ZDHHC19: variants seen among roughly 807,000 people sequenced by gnomAD.
ZDHHC19 encodes the protein zDHHC palmitoyltransferase 19.
Under a neutral mutation model 33.9 loss-of-function variants are expected in ZDHHC19, and 30 were observed. The observed-to-expected ratio is 0.88, with a 90% CI of 0.66 to 1.20. The LOEUF (loss-of-function observed/expected upper bound fraction) is 1.20. Among genes scored for constraint, ZDHHC19 ranks in the 50% most tolerant of loss-of-function variants. ZDHHC19 has a pLI of 0.00. For synonymous variants in ZDHHC19, 178 were observed against 167.6 expected, an observed-to-expected ratio of 1.06 and a Z score of -0.48; for missense variants, 364 against 401.1, an observed-to-expected ratio of 0.91 and a Z score of 0.79.
intron 5 of ZDHHC19, 131 bp downstream of exon 5, chr3:196,207,267 T>C (rs950394985): frequency 1.4e-6 from 1 of 712,096 alleles, no homozygotes; most frequent in Admixed American, 2.7e-5. Flanking sequence ...TCTTAAGAGC[T>C]GGGTCTGGAG....
intron 3 of ZDHHC19, 179 bp downstream of exon 3, chr3:196,209,197 G>T: frequency 1.2e-6 from 1 of 857,028 alleles, no homozygotes; most frequent in Non-Finnish European, 1.8e-6. Context: ...CAGCCTCCCA[G>T]GACAGGTGCA....
intron 5 of ZDHHC19, among the ~76,000 whole-genome samples, chr3:196,200,358 A>AT (rs1469302901): frequency 4.3e-4 from 30 of 69,548 alleles, no homozygotes; most frequent in East Asian, 2.2e-3. Context: ...ATATATATAT[A>AT]ATTTTTTTTT....
rs947639526 is a variant in ZDHHC19 at position 196,209,584 on chromosome 3, G to C, written c.269-69C>G. On this transcript the variant is annotated intron_variant, in intron 2 of 7. Coordinates refer to ENST00000296326, the MANE Select transcript of ZDHHC19 (RefSeq NM_001039617.2). ...CACCCCGCGGCGGGGGCAGCTCCAC[G>C]GCATCACAGGGCACAAGGAAGGGTG... 1.9e-6 allele frequency: 3 copies of C among 1,545,950 alleles called. No individual in the cohort carries two copies. In the East Asian group the frequency reaches 6.9e-5, roughly 36 times the overall value.
intron 5 of ZDHHC19, among the ~76,000 whole-genome samples, chr3:196,200,340 A>ATATATATATG (rs1722170710): frequency 2.4e-5 from 2 of 83,306 alleles, no homozygotes; most frequent in South Asian, 7.6e-4. Context: ...ATATATATAT[A>ATATATATATG]TATGTATATA....
chr3:196,198,092 G>GT (rs1358723474), intron 7 of ZDHHC19, among the ~76,000 whole-genome samples, 184 bp downstream of exon 7: 3 of 152,124 alleles, frequency 2.0e-5, no homozygotes, highest in Non-Finnish European at 2.9e-5. Flanking sequence ...ACTCCTGGGT[G>GT]TATTCTAGAG....
At position 196,198,532 on chromosome 3, in the gene ZDHHC19, C is replaced by T. The variant is rs771474517; in HGVS notation, c.774-81G>A. ...TGCCCGCCTCAGCTTGGGAAGCACA[C>T]GGCCCAGGGCTTAGCTCTGCAGGAA... On this transcript the variant is annotated intron_variant, in intron 6 of 7. Coordinates refer to ENST00000296326, the MANE Select transcript of ZDHHC19 (RefSeq NM_001039617.2). The T allele has an allele frequency of 1.1e-5, 17 of 1,575,012 alleles. 1 individual carries two copies. In the Admixed American group the frequency reaches 1.9e-4, roughly 17 times the overall value.
chr3:196,210,883 G>A (rs1723248464), intron 1 of ZDHHC19, 146 bp from the exon 2 acceptor site: 3 of 1,325,622 alleles, frequency 2.3e-6, no homozygotes, highest in Admixed American at 5.5e-5. Context: ...ACTCATAATG[G>A]CTCCACCAAA....
At chr3:196,198,146 T>TC (rs201863640) in intron 7 of ZDHHC19, 130 bp downstream of exon 7, 50,608 of 901,504 alleles carry the variant, frequency 0.056, 1,809 homozygotes, top group Middle Eastern at 0.11. Context: ...AGAACCCTCC[T>TC]CCCCCCAAGC....
At chr3:196,198,204 C>G in intron 7 of ZDHHC19, 72 bp downstream of exon 7, 1 of 1,359,992 alleles carries the variant, frequency 7.4e-7, no homozygotes, top group Non-Finnish European at 9.5e-7. Flanking sequence ...GGGCCTCCCC[C>G]CACACCCTCA....
intron 5 of ZDHHC19, among the ~76,000 whole-genome samples, chr3:196,202,655 G>C (rs559850376): frequency 6.6e-6 from 1 of 152,322 alleles, no homozygotes; most frequent in Non-Finnish European, 1.5e-5. Context: ...TGAGGGGCGG[G>C]GACAGGCCGC....
Position 196,207,489 on chromosome 3 carries a change from AC to A in ZDHHC19, c.595del (p.Val199CysfsTer15). ...CGGCACCAGGAGGCCCGCGGCGGAC[AC>A]GGCCACCACGATGCTGCGCGGGTTA... ...TDKAIAIVVA[V>X]SAAGLLVPLS... is the part of the protein sequence containing the mutation. On this transcript the variant is annotated frameshift_variant, in exon 5 of 8. Transcript: ENST00000296326. LOFTEE classifies it high-confidence loss of function. 1 of 1,562,168 alleles carries A rather than the reference AC, an allele frequency of 6.4e-7. No individual in the cohort carries two copies. The highest frequency in any genetic ancestry group is 2.4e-5 in the East Asian group (1 of 41,808).
chr3:196,208,438 G>A lies in ZDHHC19; in HGVS notation c.531C>T (p.Ile177=). ...YSGAMLVTCL[I]FLVRTTHLPF... is the part of the protein sequence containing the mutation. ...GCAGGTGGGTTGTGCGCACCAGGAA[G>A]ATGAGACAGGTGACCAGCATGGCGC... The change falls in exon 4 of 8, where the codon ATC becomes ATT. Residue 177 remains isoleucine, a synonymous_variant. Coordinates refer to ENST00000296326, the MANE Select transcript of ZDHHC19 (RefSeq NM_001039617.2). 1 of 1,614,192 alleles carries A rather than the reference G, an allele frequency of 6.2e-7. No individual in the cohort carries two copies. Among genetic ancestry groups the A allele is most frequent in the East Asian group, 2.2e-5 (1 of 44,888 alleles).
chr3:196,208,809 CCTT>C, intron 3 of ZDHHC19: 1 of 510,626 alleles, frequency 2.0e-6, no homozygotes. Flanking sequence ...ACTGGCCTGG[CCTT>C]CTGTGAGACA....
intron 2 of ZDHHC19, among the ~76,000 whole-genome samples, chr3:196,210,245 G>GA (rs1312277728): frequency 8.2e-6 from 1 of 121,530 alleles, no homozygotes; most frequent in African/African-American, 3.3e-5. Flanking sequence ...AGGAAAGAAA[G>GA]AAAGAAAAAG....
Position 196,200,595 on chromosome 3 carries a change from C to T in ZDHHC19, c.688-1721G>A, listed in dbSNP as rs543300228. On this transcript the variant is annotated intron_variant, in intron 5 of 7. Coordinates refer to ENST00000296326, the MANE Select transcript of ZDHHC19 (RefSeq NM_001039617.2). ...GGTCTCGATCTCCTGACCTCGTGAT[C>T]CGCCCACCTTGGCCTCCCAAAGTGC... is the stretch of plus-strand genomic sequence containing the variant. Among the ~76,000 whole-genome samples the T allele has an allele frequency of 4.0e-5, 6 of 150,072 alleles. No individual in the cohort carries two copies. The South Asian group carries it at 8.4e-4, about 21-fold the overall frequency.
At chr3:196,210,580 G>A in intron 2 of ZDHHC19, 36 bp downstream of exon 2, 1 of 1,613,598 alleles carries the variant, frequency 6.2e-7, no homozygotes, top group Non-Finnish European at 8.5e-7. Context: ...CAGCCCTTGA[G>A]TGACACCTCC....
chr3:196,201,010 T>C (rs1722295484), intron 5 of ZDHHC19, among the ~76,000 whole-genome samples: 1 of 151,820 alleles, frequency 6.6e-6, no homozygotes, highest in Non-Finnish European at 1.5e-5. Flanking sequence ...GTTGATTGTA[T>C]ATGAGGCATA....
intron 5 of ZDHHC19, among the ~76,000 whole-genome samples, chr3:196,204,996 C>T (rs1232206975): frequency 6.6e-6 from 1 of 152,024 alleles, no homozygotes; most frequent in African/African-American, 2.4e-5. Flanking sequence ...GTCTTAGCTA[C>T]CTGGGAGGCT....
intron 5 of ZDHHC19, among the ~76,000 whole-genome samples, chr3:196,206,679 CTTTTT>C (rs10578928): frequency 4.4e-5 from 5 of 112,780 alleles, no homozygotes; most frequent in Admixed American, 9.9e-5. Context: ...CTTTTCTTTT[CTTTTT>C]TTTTTTTTTT....
Sources: gnomAD v4.1 joint callset for allele counts (sites outside exome capture counted in the v4.1 genomes callset) on GRCh38, gnomAD v4.1.1 for gene constraint, MANE v1.5 for transcripts, NCBI Gene and HGNC (gene_info 2026-07-23, HGNC 2026-07-21) for gene names.